The following LSS variants were observed in gnomAD, a reference collection of about 807,000 sequenced individuals.
The protein encoded by LSS is lanosterol synthase.
In LSS, 90 loss-of-function variants were observed where a neutral mutation model predicts 110.3. That is an observed-to-expected ratio of 0.82 (90% CI 0.69 to 0.97). The LOEUF (loss-of-function observed/expected upper bound fraction) is 0.97, where lower values mean the gene tolerates loss of function less well. Ranked by LOEUF, LSS falls within the 50% of genes least tolerant of loss-of-function variation. LSS has a pLI of 0.00. For missense variants in LSS, 927 were observed against 990.0 expected, an observed-to-expected ratio of 0.94 and a Z score of 0.85; for synonymous variants, 433 against 400.0, an observed-to-expected ratio of 1.08 and a Z score of -0.98.
At chr21:46,223,604 G>A (rs2080303346) in intron 3 of LSS, among the ~76,000 whole-genome samples, 1 of 152,208 alleles carries the variant, frequency 6.6e-6, no homozygotes, top group Non-Finnish European at 1.5e-5. Context: ...ACCAGATATA[G>A]ATCTTAGAGA....
chr21:46,191,964 T>G lies in LSS; in HGVS notation c.1989-5A>C. 6.2e-7 allele frequency: 1 copy of G among 1,611,314 alleles called. No homozygotes were observed. Among genetic ancestry groups the G allele is most frequent in the Non-Finnish European group, 8.5e-7 (1 of 1,178,180 alleles). Reference sequence around the variant, plus strand: ...TGGGCCTCGATGTCAGGATGCCTGGTGGAAGAGAAGGCTGAAACACACCCA... The same window carrying G: ...TGGGCCTCGATGTCAGGATGCCTGGGGGAAGAGAAGGCTGAAACACACCCA... On this transcript the variant is annotated splice_polypyrimidine_tract_variant and splice_region_variant and intron_variant, in intron 20 of 21. Coordinates refer to ENST00000397728, the MANE Select transcript of LSS (RefSeq NM_002340.6).
At chr21:46,198,744 T>C (rs1204478049) in intron 17 of LSS, among the ~76,000 whole-genome samples, 1 of 151,356 alleles carries the variant, frequency 6.6e-6, no homozygotes, top group Non-Finnish European at 1.5e-5. Flanking sequence ...AGTCAACTGA[T>C]TTTTTACAAA....
chr21:46,220,793 CGGGGCTTGGAGAGGTAGACAGTT>C (rs1324906637), intron 5 of LSS, among the ~76,000 whole-genome samples: 8 of 151,082 alleles, frequency 5.3e-5, no homozygotes, highest in Admixed American at 1.3e-4. Context: ...GTAGCCAGGC[CGGGGCTTGGAGAGGTAGACAGTT>C]GGGGCTTGGA....
intron 6 of LSS, among the ~76,000 whole-genome samples, chr21:46,218,946 C>G (rs1230128486): frequency 6.6e-6 from 1 of 152,158 alleles, no homozygotes; most frequent in Middle Eastern, 3.4e-3. Context: ...AGGATGGTCT[C>G]GATCCCTTGA....
intron 9 of LSS, among the ~76,000 whole-genome samples, chr21:46,214,239 T>C (rs552689469): frequency 6.6e-6 from 1 of 152,346 alleles, no homozygotes; most frequent in Non-Finnish European, 1.5e-5. Context: ...TAGGGACCAC[T>C]TGCCCCCCTT....
Position 46,216,682 on chromosome 21 carries a change from G to A in LSS, c.648-158C>T, listed in dbSNP as rs1480041981. Among the ~76,000 whole-genome samples the A allele has an allele frequency of 6.6e-6, 1 of 152,180 alleles. No homozygotes were observed. Among genetic ancestry groups the A allele is most frequent in the Non-Finnish European group, 1.5e-5 (1 of 68,038 alleles). ...GGGCATTTCCCAACCGTGCTCCTGA[G>A]GGGCACAGTTGAACCATAGGTGCAC... On this transcript the variant is annotated intron_variant, in intron 6 of 21. Coordinates refer to ENST00000397728, the MANE Select transcript of LSS (RefSeq NM_002340.6). This position sits in a 1 kb window ranked among gnomAD's most constrained non-coding sequence, Gnocchi z 4.2.
intron 6 of LSS, 27 bp downstream of exon 6, chr21:46,219,449 C>A: frequency 6.5e-7 from 1 of 1,543,698 alleles, no homozygotes; most frequent in Non-Finnish European, 8.8e-7. Flanking sequence ...AGCAGCGACC[C>A]AACAACCCAA....
chr21:46,205,998 G>C, intron 16 of LSS, 57 bp from the exon 17 acceptor site: 3 of 1,312,080 alleles, frequency 2.3e-6, no homozygotes, highest in Non-Finnish European at 3.2e-6. Context: ...CCCAGGCTCT[G>C]CAGCTCAGGC....
chr21:46,202,403 A>G (rs550163929), intron 17 of LSS, among the ~76,000 whole-genome samples: 3 of 149,602 alleles, frequency 2.0e-5, no homozygotes, highest in African/African-American at 7.4e-5. Context: ...CAAAAAAAAA[A>G]AAAATAAATA....
chr21:46,196,572 A>C (rs2123700388), intron 17 of LSS, among the ~76,000 whole-genome samples: 1 of 152,340 alleles, frequency 6.6e-6, no homozygotes, highest in African/African-American at 2.4e-5. Flanking sequence ...GGCTTGAGCA[A>C]ACCCAACAAA....
rs1225332969 is a variant in LSS at position 46,213,804 on chromosome 21, C to T, written c.1043G>A (p.Trp348Ter). 1.2e-6 allele frequency: 2 copies of T among 1,613,904 alleles called. No homozygotes were observed. The highest frequency in any genetic ancestry group is 1.7e-6 in the Non-Finnish European group (2 of 1,180,006). ...AGTGGAGGCGGGCCCGTCCACATAC[C>T]AGCGCACAAGCATGTTGATGGTTTT... ...ISKTINMLVR[W>*]YVDGPASTAF... is the part of the protein sequence containing the mutation. Residue 348 changes from tryptophan to a stop codon, truncating the protein, a stop_gained, in exon 10 of 22, where the codon TGG (tryptophan) becomes TAG (stop). Coordinates refer to ENST00000397728, the MANE Select transcript of LSS (RefSeq NM_002340.6). LOFTEE classifies it high-confidence loss of function.
chr21:46,227,333 TTC>T (rs1312270683), intron 3 of LSS: 2 of 569,868 alleles, frequency 3.5e-6, no homozygotes, highest in Admixed American at 6.2e-5. Context: ...AACCACTTGC[TTC>T]TCTTATCAGA....
At chr21:46,207,767 A>C (rs1349439866) in intron 14 of LSS, among the ~76,000 whole-genome samples, 190 bp from the exon 15 acceptor site, 1 of 152,088 alleles carries the variant, frequency 6.6e-6, no homozygotes, top group Non-Finnish European at 1.5e-5. Flanking sequence ...CTTCCAGCAC[A>C]GGGACCCTCA....
chr21:46,192,755 T>A, intron 20 of LSS: 1 of 453,158 alleles, frequency 2.2e-6, no homozygotes, highest in South Asian at 1.6e-5. Flanking sequence ...CATCTGCATG[T>A]GTGTACACAG....
chr21:46,215,023 C>G (rs1042620608), intron 9 of LSS, among the ~76,000 whole-genome samples, 157 bp downstream of exon 9: 9 of 152,016 alleles, frequency 5.9e-5, no homozygotes, highest in Non-Finnish European at 1.3e-4. Context: ...AGGACAGAAG[C>G]CCTCAGACAC....
In LSS at chr21:46,216,546, G is replaced by A. The variant is rs2080210472; in HGVS notation, c.648-22C>T. 1.9e-6 allele frequency: 3 copies of A among 1,573,288 alleles called. No homozygotes were observed. The African/African-American group carries it at 4.0e-5, about 21-fold the overall frequency. On this transcript the variant is annotated intron_variant, in intron 6 of 21. Coordinates refer to ENST00000397728, the MANE Select transcript of LSS (RefSeq NM_002340.6). This position sits in a 1 kb window ranked among gnomAD's most constrained non-coding sequence, Gnocchi z 4.2. Reference sequence around the variant, plus strand: ...CAGCCTGGGGCAACAGCAGGAGTCAGTGGGAGACCCCAAGACTCAAGCCTG... The same window carrying A: ...CAGCCTGGGGCAACAGCAGGAGTCAATGGGAGACCCCAAGACTCAAGCCTG...
chr21:46,226,024 C>A (rs888961817), intron 3 of LSS, among the ~76,000 whole-genome samples: 4 of 151,952 alleles, frequency 2.6e-5, no homozygotes, highest in African/African-American at 9.7e-5. Flanking sequence ...GGGGCTGGAC[C>A]CTACAGGAGG....
Position 46,195,977 on chromosome 21 carries a change from G to A in LSS, c.1737-221C>T, listed in dbSNP as rs146843341. Among the ~76,000 whole-genome samples, 2,806 of 152,356 alleles carry A rather than the reference G, an allele frequency of 0.018. 34 individuals are homozygous for A. Among genetic ancestry groups the A allele is most frequent in the Non-Finnish European group, 0.028 (1,902 of 68,040 alleles). ...ACGCTCAGGCTACAGCGCGCTCCCAGCAGCCCGGCTGCGCCCAGCAACGTA... is the reference window on the plus strand; with the variant it reads ...ACGCTCAGGCTACAGCGCGCTCCCAACAGCCCGGCTGCGCCCAGCAACGTA... On this transcript the variant is annotated intron_variant, in intron 18 of 21. Coordinates refer to ENST00000397728, the MANE Select transcript of LSS (RefSeq NM_002340.6).
intron 14 of LSS, 82 bp from the exon 15 acceptor site, chr21:46,207,659 T>A: frequency 6.8e-7 from 1 of 1,470,506 alleles, no homozygotes; most frequent in Admixed American, 2.0e-5. Context: ...CACGCATCCC[T>A]CCCCACCACA....
Sources: gnomAD v4.1 joint callset for allele counts (sites outside exome capture counted in the v4.1 genomes callset) on GRCh38, gnomAD v4.1.1 for gene constraint, Gnocchi (gnomAD v3.1) non-coding constraint, MANE v1.5 for transcripts, NCBI Gene and HGNC (gene_info 2026-07-23, HGNC 2026-07-21) for gene names.